CAST: variants seen among roughly 807,000 people sequenced by gnomAD.
CAST encodes the protein MIR583 host.
CAST carries 76 observed loss-of-function variants against 119.6 expected under a neutral mutation model. The ratio of observed to expected loss-of-function variants is 0.64; its 90% CI spans 0.53 to 0.77. CAST has a LOEUF of 0.77. Among genes scored for constraint, CAST ranks in the 30% least tolerant of loss-of-function variants. The probability of loss-of-function intolerance (pLI) is 0.00; values close to 1 mark genes in which losing one functional copy is unlikely to be tolerated. For synonymous variants in CAST, 319 were observed against 331.6 expected, an observed-to-expected ratio of 0.96 and a Z score of 0.41; for missense variants, 953 against 946.5, an observed-to-expected ratio of 1.01 and a Z score of -0.09.
chr5:96,156,295 C>T, the CAST span, among the ~76,000 whole-genome samples: 6 of 152,106 alleles, frequency 3.9e-5, no homozygotes, highest in African/African-American at 1.4e-4. Flanking sequence ...GGGTAATTCA[C>T]GATGTGGTAT....
the CAST span, among the ~76,000 whole-genome samples, chr5:96,283,797 A>G: frequency 2.0e-5 from 3 of 152,342 alleles, no homozygotes; most frequent in African/African-American, 7.2e-5. Context: ...AAATCCACCA[A>G]TGAAACTATG....
At chr5:96,118,293 A>G in the CAST span, among the ~76,000 whole-genome samples, 1 of 152,164 alleles carries the variant, frequency 6.6e-6, no homozygotes, top group African/African-American at 2.4e-5. Flanking sequence ...TGAGTAGGCA[A>G]AAAGCACTTT....
chr5:96,242,983 G>A, the CAST span, among the ~76,000 whole-genome samples: 1 of 152,130 alleles, frequency 6.6e-6, no homozygotes, highest in African/African-American at 2.4e-5. Context: ...AATAATGATA[G>A]TGTGGCATGA....
At chr5:96,182,107 C>G in the CAST span, among the ~76,000 whole-genome samples, 14 of 152,312 alleles carry the variant, frequency 9.2e-5, no homozygotes, top group African/African-American at 3.1e-4. Flanking sequence ...CAGTGAGGGT[C>G]TTAATATTTA....
rs530727100 is a variant in CAST at position 96,695,029 on chromosome 5, C to A, written c.139-807C>A. 3.3e-5 allele frequency among the ~76,000 whole-genome samples: 5 copies of A among 152,238 alleles called. No homozygotes were observed. In the South Asian group the frequency reaches 1.0e-3, roughly 32 times the overall value. Reference sequence around the variant, plus strand: ...ATGATATTTCATCCTATGGCTCTCCCATAACGTAACCCCCTATTATGGGAT... The same window carrying A: ...ATGATATTTCATCCTATGGCTCTCCAATAACGTAACCCCCTATTATGGGAT... On this transcript the variant is annotated intron_variant, in intron 2 of 31. Transcript: ENST00000675179.
chr5:96,624,998 C>T (rs1178711334), intron 1 of CAST, among the ~76,000 whole-genome samples: 1 of 152,206 alleles, frequency 6.6e-6, no homozygotes, highest in African/African-American at 2.4e-5. Context: ...ACATATGACT[C>T]TTCTAAGTAA....
At chr5:96,556,680 A>G (rs1746247095) in intron 1 of CAST, among the ~76,000 whole-genome samples, 1 of 152,304 alleles carries the variant, frequency 6.6e-6, no homozygotes, top group South Asian at 2.1e-4. Flanking sequence ...AAAGAAATGA[A>G]CAAAGCCTCC....
the CAST span, among the ~76,000 whole-genome samples, chr5:96,087,654 C>T: frequency 5.9e-5 from 9 of 152,126 alleles, no homozygotes; most frequent in Admixed American, 2.6e-4. Context: ...CAAACTCAAT[C>T]AATGAAGATG....
At chr5:96,699,976 C>A (rs1753696358) in intron 3 of CAST, among the ~76,000 whole-genome samples, 1 of 152,206 alleles carries the variant, frequency 6.6e-6, no homozygotes, top group Non-Finnish European at 1.5e-5. Context: ...GAATAAGCAC[C>A]TATCAGAGAA....
the CAST span, among the ~76,000 whole-genome samples, chr5:96,081,409 A>G: frequency 7.9e-4 from 121 of 152,318 alleles, no homozygotes; most frequent in African/African-American, 2.7e-3. Context: ...GCATTGGATC[A>G]GAGAACGATA....
the CAST span, among the ~76,000 whole-genome samples, chr5:96,030,870 C>T: frequency 5.3e-5 from 8 of 152,222 alleles, no homozygotes; most frequent in South Asian, 2.1e-4. Context: ...CATAAAGAGA[C>T]CTTGTCTCTA....
At chr5:96,468,456 T>A in the CAST span, among the ~76,000 whole-genome samples, 47 of 152,234 alleles carry the variant, frequency 3.1e-4, 1 homozygote, top group African/African-American at 1.0e-3. Context: ...AGGTCCCTGA[T>A]GAATGTTAGT....
chr5:96,357,728 T>TTTTGAAA, the CAST span, among the ~76,000 whole-genome samples: 350 of 152,316 alleles, frequency 2.3e-3, no homozygotes, highest in Non-Finnish European at 4.4e-3. Flanking sequence ...CTAGATTTGG[T>TTTTGAAA]TTGCCAGTAT....
intron 1 of CAST, among the ~76,000 whole-genome samples, chr5:96,673,664 A>G (rs1304083255): frequency 5.9e-5 from 9 of 152,174 alleles, no homozygotes; most frequent in Admixed American, 5.9e-4. Context: ...TGGCCCCCTT[A>G]TTTACTTTAA....
At chr5:96,497,018 A>G in the CAST span, among the ~76,000 whole-genome samples, 72 of 57,274 alleles carry the variant, frequency 1.3e-3, 1 homozygote, top group South Asian at 7.0e-3. Context: ...CCCTCCCCCC[A>G]CCCCACAACA....
the CAST span, among the ~76,000 whole-genome samples, chr5:95,966,682 A>G: frequency 2.0e-5 from 3 of 152,182 alleles, no homozygotes; most frequent in East Asian, 3.8e-4. Context: ...GGCCAGGGCT[A>G]TCTCTCCTTT....
the CAST span, among the ~76,000 whole-genome samples, chr5:96,445,082 C>G: frequency 6.6e-6 from 1 of 152,190 alleles, no homozygotes; most frequent in Admixed American, 6.5e-5. Flanking sequence ...AAGGGCCAGC[C>G]ACCAGAGGAA....
chr5:96,771,413 A>T (rs1164490063), intron 30 of CAST, among the ~76,000 whole-genome samples: 1 of 152,162 alleles, frequency 6.6e-6, no homozygotes, highest in African/African-American at 2.4e-5. Context: ...TTAAAAAAAT[A>T]AAGCTGAGAG....
the CAST span, among the ~76,000 whole-genome samples, chr5:96,252,462 T>A: frequency 6.6e-6 from 1 of 152,124 alleles, no homozygotes; most frequent in Non-Finnish European, 1.5e-5. Context: ...GACTATTGAT[T>A]AACTTACCTT....
Sources: gnomAD v4.1 joint callset for allele counts (sites outside exome capture counted in the v4.1 genomes callset) on GRCh38, gnomAD v4.1.1 for gene constraint, MANE v1.5 for transcripts, NCBI Gene and HGNC (gene_info 2026-07-23, HGNC 2026-07-21) for gene names.